Variants in APBB2 observed in about 807,000 individuals in gnomAD.
The protein encoded by APBB2 is amyloid beta precursor protein binding family B member 2.
APBB2 carries 38 observed loss-of-function variants against 82.5 expected under a neutral mutation model. That is an observed-to-expected ratio of 0.46 (90% CI 0.36 to 0.60). APBB2 has a LOEUF of 0.60. APBB2 is among the 20% of genes least tolerant of loss of function. The pLI is 0.00. For synonymous variants in APBB2, 341 were observed against 368.2 expected, an observed-to-expected ratio of 0.93 and a Z score of 0.85; for missense variants, 772 against 972.3, an observed-to-expected ratio of 0.79 and a Z score of 2.74.
At chr4:41,086,853 A>C (rs1213772411) in intron 3 of APBB2, among the ~76,000 whole-genome samples, 1 of 152,164 alleles carries the variant, frequency 6.6e-6, no homozygotes, top group Non-Finnish European at 1.5e-5. Flanking sequence ...CTAAATTGGA[A>C]AGGAAACAGT....
At chr4:40,978,964 A>C (rs1347161618) in intron 6 of APBB2, among the ~76,000 whole-genome samples, 4 of 152,174 alleles carry the variant, frequency 2.6e-5, no homozygotes, top group African/African-American at 7.2e-5. Flanking sequence ...TACACAGGAA[A>C]AGTAATGATA....
intron 6 of APBB2, among the ~76,000 whole-genome samples, chr4:40,953,456 G>A (rs1357430271): frequency 2.6e-5 from 4 of 151,976 alleles, no homozygotes; most frequent in Non-Finnish European, 5.9e-5. Context: ...ATGGTCAACT[G>A]GTGTGTCATT....
chr4:40,991,733 T>C (rs1291337010), intron 6 of APBB2, among the ~76,000 whole-genome samples: 1 of 152,010 alleles, frequency 6.6e-6, no homozygotes, highest in Admixed American at 6.6e-5. Context: ...GCTTTGAAAA[T>C]CATCTGGGTA....
chr4:41,061,854 TAC>T (rs1486280376), intron 4 of APBB2, among the ~76,000 whole-genome samples: 3 of 152,226 alleles, frequency 2.0e-5, no homozygotes, highest in Non-Finnish European at 2.9e-5. Flanking sequence ...CAGTCTGACA[TAC>T]AAGCCTCAAA....
chr4:40,899,453 A>T (rs758199430), intron 10 of APBB2, among the ~76,000 whole-genome samples: 1 of 150,888 alleles, frequency 6.6e-6, no homozygotes, highest in Non-Finnish European at 1.5e-5. Context: ...CCTGCAGAGG[A>T]CCTCTCCCTA....
At chr4:41,070,484 T>C (rs1733436859) in intron 3 of APBB2, among the ~76,000 whole-genome samples, 2 of 152,144 alleles carry the variant, frequency 1.3e-5, no homozygotes, top group East Asian at 1.9e-4. Flanking sequence ...TAATTTTTAG[T>C]AGAGACAGGG....
chr4:40,825,672 C>A, intron 15 of APBB2: 1 of 535,520 alleles, frequency 1.9e-6, no homozygotes, highest in Admixed American at 3.1e-5. Context: ...TAAAGTCCTG[C>A]ATGCTGGGGA....
Position 40,830,547 on chromosome 4 carries a change from A to G in APBB2, c.1560T>C (p.Asp520=). 3 of 1,614,002 alleles carry G rather than the reference A, an allele frequency of 1.9e-6. No individual in the cohort carries two copies. The highest frequency in any genetic ancestry group is 2.5e-6 in the Non-Finnish European group (3 of 1,179,880). Residue 520 remains aspartate, a synonymous_variant, in exon 13 of 18, where the codon GAT becomes GAC. Transcript: ENST00000508593. ...RDFAYVARDK[D]TRILKCHVFR... is the part of the protein sequence containing the mutation. ...ATACATGACATTTCAAAATTCTTGT[A>G]TCTTTATCTCTTGCTACATAAGCAA...
At chr4:41,007,051 A>T (rs1236963775) in intron 6 of APBB2, among the ~76,000 whole-genome samples, 1 of 152,116 alleles carries the variant, frequency 6.6e-6, no homozygotes, top group East Asian at 1.9e-4. Context: ...AAGGATTCAA[A>T]CTCTAAAGCA....
chr4:40,966,348 T>C (rs2154396123), intron 6 of APBB2, among the ~76,000 whole-genome samples: 1 of 152,286 alleles, frequency 6.6e-6, no homozygotes, highest in Admixed American at 6.5e-5. Context: ...CCATCTGGAG[T>C]GCTGCTATGA....
At chr4:41,009,691 TAAC>T (rs34942937) in intron 6 of APBB2, among the ~76,000 whole-genome samples, 25,572 of 152,040 alleles carry the variant, frequency 0.17, 2,324 homozygotes, top group Non-Finnish European at 0.21. Context: ...ACTATGTATT[TAAC>T]ACACAGCAAG....
At chr4:40,908,089 CTG>C (rs150469779) in intron 10 of APBB2, among the ~76,000 whole-genome samples, 8 of 149,466 alleles carry the variant, frequency 5.4e-5, no homozygotes, top group African/African-American at 1.7e-4. Flanking sequence ...GTGTATGTGT[CTG>C]TGTGTGTGTG....
chr4:41,135,052 A>G (rs990587054), intron 2 of APBB2, among the ~76,000 whole-genome samples: 2 of 151,876 alleles, frequency 1.3e-5, no homozygotes, highest in African/African-American at 2.4e-5. Flanking sequence ...TCTTATTTCT[A>G]GGAGAATTCA....
intron 2 of APBB2, among the ~76,000 whole-genome samples, chr4:41,129,745 G>A (rs1244646807): frequency 6.6e-6 from 1 of 152,022 alleles, no homozygotes; most frequent in Middle Eastern, 3.4e-3. Context: ...TGACAGGGAT[G>A]TATCAGTGAA....
chr4:40,911,320 G>T (rs1166945757), intron 10 of APBB2, among the ~76,000 whole-genome samples: 2 of 152,126 alleles, frequency 1.3e-5, no homozygotes, highest in African/African-American at 2.4e-5. Context: ...TGTACTGGGG[G>T]ATGACTGTGC....
chr4:41,094,244 T>C (rs1742745799), intron 3 of APBB2, among the ~76,000 whole-genome samples: 1 of 152,220 alleles, frequency 6.6e-6, no homozygotes. Flanking sequence ...AAAAATATCA[T>C]TTATGACATT....
At chr4:41,056,787 G>A (rs1329173174) in intron 4 of APBB2, among the ~76,000 whole-genome samples, 1 of 152,198 alleles carries the variant, frequency 6.6e-6, no homozygotes, top group South Asian at 2.1e-4. Flanking sequence ...GGATCCTGCG[G>A]TGTGAGGATC....
At chr4:41,046,480 G>A (rs2154452501) in intron 4 of APBB2, among the ~76,000 whole-genome samples, 1 of 152,152 alleles carries the variant, frequency 6.6e-6, no homozygotes, top group Middle Eastern at 3.4e-3. Flanking sequence ...CAAACAAAAT[G>A]ATCCCAAACA....
intron 3 of APBB2, among the ~76,000 whole-genome samples, chr4:41,092,184 C>T (rs111947169): frequency 1.6e-3 from 251 of 152,318 alleles, no homozygotes; most frequent in African/African-American, 5.7e-3. Flanking sequence ...AGGAGTTTAA[C>T]ATCTGCTTTT....
Sources: gnomAD v4.1 joint callset for allele counts (sites outside exome capture counted in the v4.1 genomes callset) on GRCh38, gnomAD v4.1.1 for gene constraint, MANE v1.5 for transcripts, NCBI Gene and HGNC (gene_info 2026-07-23, HGNC 2026-07-21) for gene names.